TCP11L2: variants seen among roughly 807,000 people sequenced by gnomAD.
The protein encoded by TCP11L2 is t-complex 11 like 2, also known as T-complex protein 11-like protein 2.
In TCP11L2, 39 loss-of-function variants were observed where a neutral mutation model predicts 50.7. That is an observed-to-expected ratio of 0.77 (90% CI 0.60 to 1.01). The LOEUF is 1.01. Ranked by LOEUF, TCP11L2 falls within the 50% of genes least tolerant of loss-of-function variation. TCP11L2 has a pLI of 0.00. For synonymous variants in TCP11L2, 192 were observed against 219.3 expected (o/e 0.88, Z 1.10); for missense variants, 612 against 614.7 (o/e 1.00, Z 0.05).
intron 9 of TCP11L2, 34 bp from the exon 10 acceptor site, chr12:106,346,252 T>G (rs201155497): frequency 1.3e-6 from 2 of 1,569,278 alleles, no homozygotes; most frequent in East Asian, 4.5e-5. Flanking sequence ...ACTTTAATAA[T>G]GGACAGATAA....
rs1421718518 is a variant in TCP11L2, at chr12:106,346,720, T to G, written c.*190T>G. 1 of 577,450 alleles carries G rather than the reference T, an allele frequency of 1.7e-6. No homozygotes were observed. The highest frequency in any genetic ancestry group is 3.4e-5 in the Admixed American group (1 of 29,612). The allele number at this position is 577,450 out of a possible 1,614,324, so 35.8% of individuals were successfully genotyped here. A position where few individuals can be genotyped will look rare whatever the true frequency, so the allele number is the denominator to read the frequency against. ...CATAGACCCTCAGAAGACGTAAACATCACATAGACCCTATTTGTGCATCAT... is the reference window on the plus strand; with the variant it reads ...CATAGACCCTCAGAAGACGTAAACAGCACATAGACCCTATTTGTGCATCAT... On this transcript the variant is annotated 3_prime_UTR_variant, in exon 10 of 10. Coordinates refer to ENST00000299045, the MANE Select transcript of TCP11L2 (RefSeq NM_152772.3).
intron 5 of TCP11L2, among the ~76,000 whole-genome samples, chr12:106,322,594 A>C (rs1186262332): frequency 6.6e-6 from 1 of 152,208 alleles, no homozygotes; most frequent in African/African-American, 2.4e-5. Flanking sequence ...TTGTGATCCA[A>C]GAGGGAAGAA....
intron 1 of TCP11L2, among the ~76,000 whole-genome samples, chr12:106,305,277 A>C (rs2034582917): frequency 6.6e-6 from 1 of 151,764 alleles, no homozygotes. Flanking sequence ...AACTTATCAT[A>C]GAACAGTTAT....
chr12:106,336,010 A>G lies in TCP11L2; in HGVS notation c.961-22A>G, dbSNP rs767180735. ...CTATTGAGCTACCCTTTCTATTTTT[A>G]TATTTTAAATAAATATGTTAGACAC... On this transcript the variant is annotated intron_variant, in intron 7 of 9. Coordinates refer to ENST00000299045, the MANE Select transcript of TCP11L2 (RefSeq NM_152772.3). 3.2e-6 allele frequency: 5 copies of G among 1,555,132 alleles called. No individual in the cohort carries two copies. The South Asian group carries it at 4.9e-5, about 15-fold the overall frequency.
chr12:106,318,561 T>A, intron 4 of TCP11L2, 97 bp downstream of exon 4: 1 of 1,486,396 alleles, frequency 6.7e-7, no homozygotes, highest in Non-Finnish European at 9.1e-7. Flanking sequence ...ACAATAGAAA[T>A]TTACTTCTCA....
At chr12:106,329,312 T>G in intron 6 of TCP11L2, 1 of 1,536,056 alleles carries the variant, frequency 6.5e-7, no homozygotes, top group South Asian at 1.2e-5. Context: ...GTGGAAAAAT[T>G]CTTAATCCTG....
At chr12:106,341,756 C>T (rs972039913) in intron 9 of TCP11L2, among the ~76,000 whole-genome samples, 1 of 152,148 alleles carries the variant, frequency 6.6e-6, no homozygotes, top group African/African-American at 2.4e-5. Flanking sequence ...TAGCTCCAGC[C>T]TACAACCTTC....
chr12:106,300,563 CT>C (rs2034392882), upstream of TCP11L2, among the ~76,000 whole-genome samples: 1 of 152,176 alleles, frequency 6.6e-6, no homozygotes, highest in Admixed American at 6.5e-5. Context: ...ATCTCCTGAC[CT>C]TGTGATCCAC....
intron 1 of TCP11L2, 71 bp from the exon 2 acceptor site, chr12:106,310,970 C>A: frequency 7.3e-7 from 1 of 1,361,828 alleles, no homozygotes; most frequent in Non-Finnish European, 1.0e-6. Context: ...GTTGTCTACA[C>A]TGGAAGAAGC....
upstream of TCP11L2, among the ~76,000 whole-genome samples, chr12:106,299,249 A>G (rs1007348647): frequency 6.6e-6 from 1 of 152,224 alleles, no homozygotes; most frequent in African/African-American, 2.4e-5. Flanking sequence ...TTAATGAGCC[A>G]TAAGACCTGG....
chr12:106,323,447 A>C, intron 5 of TCP11L2, 63 bp from the exon 6 acceptor site: 4 of 1,407,870 alleles, frequency 2.8e-6, no homozygotes, highest in Non-Finnish European at 3.9e-6. Context: ...AACATAGATC[A>C]TTGTTAGTGA....
At chr12:106,300,189 A>G (rs185087031), upstream of TCP11L2, among the ~76,000 whole-genome samples, 1 of 151,474 alleles carries the variant, frequency 6.6e-6, no homozygotes, top group Non-Finnish European at 1.5e-5. Context: ...TTTTTTCCTC[A>G]GAAAGCCATA....
At chr12:106,314,019 G>C (rs1238459009) in intron 2 of TCP11L2, among the ~76,000 whole-genome samples, 1 of 152,046 alleles carries the variant, frequency 6.6e-6, no homozygotes, top group Non-Finnish European at 1.5e-5. Context: ...ACCTGCCTCG[G>C]CCTCCCAAAG....
chr12:106,320,477 CTCA>C (rs1367964228), intron 4 of TCP11L2, among the ~76,000 whole-genome samples: 1 of 152,208 alleles, frequency 6.6e-6, no homozygotes, highest in Non-Finnish European at 1.5e-5. Flanking sequence ...GTATGATCTC[CTCA>C]TGTCTGCATA....
intron 2 of TCP11L2, among the ~76,000 whole-genome samples, chr12:106,313,837 C>T (rs1438044117): frequency 4.9e-5 from 7 of 142,688 alleles, no homozygotes; most frequent in African/African-American, 1.8e-4. Flanking sequence ...ACGATCTTGG[C>T]TCACTGCAAG....
intron 6 of TCP11L2, among the ~76,000 whole-genome samples, chr12:106,332,451 A>G (rs11112942): frequency 0.36 from 54,418 of 152,090 alleles, 10,242 homozygotes; most frequent in African/African-American, 0.45. Flanking sequence ...TATCCATACA[A>G]TAGAATACCA....
At chr12:106,337,191 G>A (rs1185142711) in intron 8 of TCP11L2, among the ~76,000 whole-genome samples, 1 of 152,116 alleles carries the variant, frequency 6.6e-6, no homozygotes, top group East Asian at 1.9e-4. Flanking sequence ...TCCTGTAATT[G>A]AAGGGAAATG....
chr12:106,343,760 A>C (rs140560288), intron 9 of TCP11L2, among the ~76,000 whole-genome samples: 9 of 151,464 alleles, frequency 5.9e-5, no homozygotes, highest in African/African-American at 1.9e-4. Flanking sequence ...GTTCAAGAAG[A>C]ATACTTCTGC....
upstream of TCP11L2, among the ~76,000 whole-genome samples, chr12:106,298,604 C>T (rs1453021708): frequency 1.3e-5 from 2 of 152,110 alleles, no homozygotes; most frequent in East Asian, 1.9e-4. Flanking sequence ...TCACTGCAAC[C>T]TCCGCCCCCC....
Sources: gnomAD v4.1 joint callset for allele counts (sites outside exome capture counted in the v4.1 genomes callset) on GRCh38, gnomAD v4.1.1 for gene constraint, MANE v1.5 for transcripts, NCBI Gene and HGNC (gene_info 2026-07-23, HGNC 2026-07-21) for gene names.